The following ATP8B1 variants were observed in gnomAD, a reference collection of about 807,000 sequenced individuals.
ATP8B1 encodes ATPase phospholipid transporting 8B1.
A neutral mutation model predicts 149.9 loss-of-function variants in ATP8B1; 80 were observed. The ratio of observed to expected loss-of-function variants is 0.53; its 90% confidence interval spans 0.45 to 0.64. The LOEUF is 0.64. Among genes scored for constraint, ATP8B1 ranks in the 30% least tolerant of loss-of-function variants. The probability of loss-of-function intolerance (pLI) is 0.00; values close to 1 mark genes in which losing one functional copy is unlikely to be tolerated. For missense variants in ATP8B1, 1,247 were observed against 1,552.6 expected, an observed-to-expected ratio of 0.80 and a Z score of 3.31; for synonymous variants, 536 against 562.8, an observed-to-expected ratio of 0.95 and a Z score of 0.67.
chr18:57,793,608 T>C (rs2080483908), intron 1 of ATP8B1, among the ~76,000 whole-genome samples: 1 of 151,932 alleles, frequency 6.6e-6, no homozygotes, highest in African/African-American at 2.4e-5. Context: ...TTCTTCTCCT[T>C]CCCTCCCCCA....
At position 57,655,177 on chromosome 18, in the gene ATP8B1, T is replaced by A. The variant is rs1426190978; in HGVS notation, c.2931+17A>T. 3 of 1,575,892 alleles carry A rather than the reference T, an allele frequency of 1.9e-6. No homozygotes were observed. Among genetic ancestry groups the A allele is most frequent in the Non-Finnish European group, 2.6e-6 (3 of 1,145,354 alleles). The stretch of plus-strand genomic sequence containing the variant: ...AGCTCTACTTAGTAAATAACAATAA[T>A]AACAACATTACATTACCTGCGCAGA... On this transcript the variant is annotated intron_variant, in intron 23 of 27. Coordinates refer to ENST00000648908, the MANE Select transcript of ATP8B1 (RefSeq NM_001374385.1).
intron 12 of ATP8B1, 36 bp from the exon 13 acceptor site, chr18:57,688,543 C>T (rs371186058): frequency 8.2e-5 from 131 of 1,603,102 alleles, no homozygotes; most frequent in Middle Eastern, 3.3e-4. Context: ...GTAGAGAGCT[C>T]GGATACGAGT....
intron 4 of ATP8B1, among the ~76,000 whole-genome samples, chr18:57,701,978 G>A (rs1264238850): frequency 1.3e-5 from 2 of 152,184 alleles, no homozygotes; most frequent in African/African-American, 4.8e-5. Context: ...GATTACAGGT[G>A]TGAGCCACCG....
At position 57,803,272 on chromosome 18, in the gene ATP8B1, G is replaced by A. The variant is rs889755692; in HGVS notation, c.-300C>T. Reference sequence around the variant, plus strand: ...GCAGCCGCCCTTTTGCCTCCGCTCCGCCGGACCGGCCAAACTGGTTTCTCC... The same window carrying A: ...GCAGCCGCCCTTTTGCCTCCGCTCCACCGGACCGGCCAAACTGGTTTCTCC... On this transcript the variant is annotated 5_prime_UTR_variant, in exon 1 of 28. Transcript: ENST00000648908. Among the ~76,000 whole-genome samples, 25 of 152,278 alleles carry A rather than the reference G, an allele frequency of 1.6e-4. No homozygotes were observed. Among genetic ancestry groups the A allele is most frequent in the Admixed American group, 1.6e-3 (25 of 15,308 alleles).
chr18:57,750,179 G>A (rs549971988), intron 1 of ATP8B1, among the ~76,000 whole-genome samples: 1 of 152,284 alleles, frequency 6.6e-6, no homozygotes, highest in East Asian at 1.9e-4. Context: ...GGAGGTGGAG[G>A]TTGCAGTGAG....
At chr18:57,660,068 T>C (rs1893673) in intron 22 of ATP8B1, among the ~76,000 whole-genome samples, 69,372 of 151,918 alleles carry the variant, frequency 0.46, 16,225 homozygotes, top group East Asian at 0.52. Context: ...AGGATGAGGA[T>C]GAATATCCAG....
intron 6 of ATP8B1, 40 bp from the exon 7 acceptor site, chr18:57,697,907 G>C: frequency 1.3e-6 from 2 of 1,518,494 alleles, no homozygotes; most frequent in Non-Finnish European, 9.1e-7. Flanking sequence ...GACATTTTAA[G>C]TTACAGGCAA....
At chr18:57,703,179 TC>T (rs1439179415) in intron 4 of ATP8B1, among the ~76,000 whole-genome samples, 24 of 152,058 alleles carry the variant, frequency 1.6e-4, no homozygotes, top group Admixed American at 1.1e-3. Flanking sequence ...GCATCCTCCA[TC>T]CCCACCTAGA....
intron 4 of ATP8B1, 33 bp from the exon 5 acceptor site, chr18:57,701,346 A>C (rs753843248): frequency 1.3e-6 from 2 of 1,571,168 alleles, no homozygotes; most frequent in East Asian, 4.5e-5. Context: ...GTGTGTGTCC[A>C]TGAAGGCATA....
chr18:57,738,303 G>A (rs2079878848), intron 1 of ATP8B1, among the ~76,000 whole-genome samples: 1 of 152,146 alleles, frequency 6.6e-6, no homozygotes, highest in African/African-American at 2.4e-5. Context: ...CCAGAGTTTC[G>A]AAGAATACAG....
rs1241014001 is a variant in ATP8B1 at position 57,669,033 on chromosome 18, T to G, written c.2097+285A>C. The G allele has an allele frequency of 1.2e-5, 3 of 255,110 alleles. No homozygotes were observed. In the East Asian group the frequency reaches 2.5e-4, roughly 21 times the overall value. The allele number at this position is 255,110 out of a possible 1,614,324, so 15.8% of individuals were successfully genotyped here. ...GTAATAAGTATTAGATGCAGGTTTG[T>G]TATTGTTTAAAAATTATAATAAATT... On this transcript the variant is annotated intron_variant, in intron 18 of 27. Transcript: ENST00000648908.
intron 27 of ATP8B1, among the ~76,000 whole-genome samples, chr18:57,649,190 A>ATATCTATCTATCTATC (rs71171056): frequency 0.033 from 4,837 of 148,174 alleles, 120 homozygotes; most frequent in Middle Eastern, 0.052. Flanking sequence ...GTGCTTGGCT[A>ATATCTATCTATCTATC]TATCTATCTA....
At chr18:57,755,661 T>TA (rs1179626768) in intron 1 of ATP8B1, among the ~76,000 whole-genome samples, 1 of 152,226 alleles carries the variant, frequency 6.6e-6, no homozygotes, top group African/African-American at 2.4e-5. Flanking sequence ...TGGCTTCACA[T>TA]AAGTTTACAC....
Position 57,795,169 on chromosome 18 carries a change from G to A in ATP8B1, c.-26+7829C>T, listed in dbSNP as rs550626726. ...ATCTCAACACTAGGAGGCCAAGGCA[G>A]GAGGCTAGCTTGAGCCCTGGAGTTC... is the stretch of plus-strand genomic sequence containing the variant. On this transcript the variant is annotated intron_variant, in intron 1 of 27. Coordinates refer to ENST00000648908, the MANE Select transcript of ATP8B1 (RefSeq NM_001374385.1). Among the ~76,000 whole-genome samples, 3 of 152,242 alleles carry A rather than the reference G, an allele frequency of 2.0e-5. No homozygotes were observed. In the South Asian group the frequency reaches 6.2e-4, roughly 32 times the overall value.
At chr18:57,736,976 A>AAAAT (rs1194682656) in intron 1 of ATP8B1, 3 of 152,154 alleles carry the variant, frequency 2.0e-5, no homozygotes, top group Admixed American at 2.0e-4. Flanking sequence ...TTATTGTTGT[A>AAAAT]AAATATATGT....
chr18:57,661,576 T>G, intron 21 of ATP8B1, 114 bp from the exon 22 acceptor site: 3 of 1,136,244 alleles, frequency 2.6e-6, no homozygotes, highest in Non-Finnish European at 3.8e-6. Context: ...ACTGATTATA[T>G]TTGACAAATA....
Position 57,666,115 on chromosome 18 carries a change from C to A in ATP8B1, c.2285+977G>T, listed in dbSNP as rs916931738. On this transcript the variant is annotated intron_variant, in intron 20 of 27. Transcript: ENST00000648908. ...TGTGTATGTTAACAGTTTAATCTGA[C>A]CTCATGCTGGCCTGAGAGAAGCTCT... is the stretch of plus-strand genomic sequence containing the variant. Among the ~76,000 whole-genome samples the A allele has an allele frequency of 3.9e-5, 6 of 152,296 alleles. No homozygotes were observed. The East Asian group carries it at 1.2e-3, about 29-fold the overall frequency.
intron 13 of ATP8B1, among the ~76,000 whole-genome samples, chr18:57,686,567 T>A (rs531106072): frequency 2.0e-5 from 3 of 152,084 alleles, no homozygotes. Flanking sequence ...ACTAGAGGCA[T>A]CCACCACCAC....
At chr18:57,672,933 A>ATCTAT (rs36010935) in intron 16 of ATP8B1, among the ~76,000 whole-genome samples, 1 of 43,502 alleles carries the variant, frequency 2.3e-5, no homozygotes, top group Non-Finnish European at 4.9e-5. Context: ...TATATATATA[A>ATCTAT]CATGTATATA....
Sources: allele counts gnomAD v4.1 joint callset (sites outside exome capture counted in the v4.1 genomes callset), GRCh38; gene constraint gnomAD v4.1.1; transcripts MANE v1.5; gene names NCBI Gene and HGNC (gene_info 2026-07-23, HGNC 2026-07-21).